RPS6KC1: variants seen among roughly 807,000 people sequenced by gnomAD.
RPS6KC1 encodes inactive ribosomal protein S6 kinase delta-1.
RPS6KC1 carries 54 observed loss-of-function variants against 103.8 expected under a neutral mutation model. The ratio of observed to expected loss-of-function variants is 0.52; its 90% confidence interval spans 0.42 to 0.65. The LOEUF (loss-of-function observed/expected upper bound fraction) is 0.65, where lower values mean the gene tolerates loss of function less well. RPS6KC1 is among the 30% of genes least tolerant of loss of function. The pLI is 0.00. For missense variants in RPS6KC1, 1,151 were observed against 1,253.8 expected, an observed-to-expected ratio of 0.92 and a Z score of 1.24; for synonymous variants, 439 against 438.7, an observed-to-expected ratio of 1.00 and a Z score of -0.01.
chr1:213,213,160 T>G (rs192394298), intron 8 of RPS6KC1, among the ~76,000 whole-genome samples: 155 of 152,356 alleles, frequency 1.0e-3, no homozygotes, highest in African/African-American at 2.6e-3. Flanking sequence ...CAGAGTTATC[T>G]AGGTTTTCTC....
At chr1:213,856,880 C>T in the RPS6KC1 span, among the ~76,000 whole-genome samples, 1 of 152,168 alleles carries the variant, frequency 6.6e-6, no homozygotes, top group African/African-American at 2.4e-5. Context: ...CACTTAAGTT[C>T]TCAAAGACTT....
Position 213,051,310 on chromosome 1 carries a change from G to T in RPS6KC1, c.-95G>T, listed in dbSNP as rs986269432. On this transcript the variant is annotated 5_prime_UTR_variant, in exon 1 of 15. Transcript: ENST00000366960. ...GCCTTGGAGCCACCGCCCCCTCGCC[G>T]CTTCGCCGCTGCGTTGGGGAACCTG... 3.3e-6 allele frequency: 3 copies of T among 898,372 alleles called. No homozygotes were observed. Among genetic ancestry groups the T allele is most frequent in the African/African-American group, 3.4e-5 (2 of 59,698 alleles). 55.7% of individuals were successfully genotyped at this position (898,372 alleles called of 1,614,324 possible). A position where few individuals can be genotyped will look rare whatever the true frequency, so the allele number is the denominator to read the frequency against.
At chr1:213,322,994 C>A in the RPS6KC1 span, among the ~76,000 whole-genome samples, 1 of 142,392 alleles carries the variant, frequency 7.0e-6, no homozygotes, top group African/African-American at 2.6e-5. Flanking sequence ...GAACCCCTAA[C>A]CTCAGGTGAT....
At position 213,051,560 on chromosome 1, in the gene RPS6KC1, C is replaced by T. The variant is rs368358311; in HGVS notation, c.105+51C>T. ...AGAGCTTGGATTGGGACCTGAGGAT[C>T]TGGGGTGGGGACCCTGATGTGAGGG... On this transcript the variant is annotated intron_variant, in intron 1 of 14. Coordinates refer to ENST00000366960, the MANE Select transcript of RPS6KC1 (RefSeq NM_012424.6). 1.2e-4 allele frequency: 162 copies of T among 1,343,220 alleles called. 1 individual carries two copies. The highest frequency in any genetic ancestry group is 5.2e-4 in the Admixed American group (28 of 54,026). 83.2% of individuals were successfully genotyped at this position (1,343,220 alleles called of 1,614,324 possible).
chr1:213,849,305 C>A, the RPS6KC1 span, among the ~76,000 whole-genome samples: 1 of 152,092 alleles, frequency 6.6e-6, no homozygotes, highest in East Asian at 1.9e-4. Flanking sequence ...AGGAGGTGAG[C>A]AACAGCAGCA....
At chr1:213,141,911 G>A (rs997249070) in intron 6 of RPS6KC1, among the ~76,000 whole-genome samples, 3 of 151,556 alleles carry the variant, frequency 2.0e-5, no homozygotes, top group African/African-American at 7.3e-5. Flanking sequence ...TTGAGTTTTG[G>A]TTGTGATTAT....
At chr1:213,728,430 T>A in the RPS6KC1 span, among the ~76,000 whole-genome samples, 1 of 152,164 alleles carries the variant, frequency 6.6e-6, no homozygotes, top group Admixed American at 6.5e-5. Flanking sequence ...CTCATGGTGA[T>A]AAAAATCGAA....
chr1:213,775,996 A>G, the RPS6KC1 span, among the ~76,000 whole-genome samples: 1 of 152,190 alleles, frequency 6.6e-6, no homozygotes, highest in Admixed American at 6.5e-5. Context: ...TCTTCCATTC[A>G]AGTATTATCA....
the RPS6KC1 span, among the ~76,000 whole-genome samples, chr1:213,861,457 A>G: frequency 2.0e-5 from 3 of 152,164 alleles, 1 homozygote; most frequent in Non-Finnish European, 4.4e-5. Flanking sequence ...GGAGATAAAA[A>G]TGTTGCAGGG....
chr1:213,746,803 G>A, the RPS6KC1 span, among the ~76,000 whole-genome samples: 5 of 152,072 alleles, frequency 3.3e-5, no homozygotes, highest in Non-Finnish European at 7.4e-5. Context: ...GTGATGGGTT[G>A]GTAGTAGGCA....
the RPS6KC1 span, among the ~76,000 whole-genome samples, chr1:213,808,721 C>G: frequency 6.6e-6 from 1 of 152,244 alleles, no homozygotes; most frequent in Non-Finnish European, 1.5e-5. Flanking sequence ...TCCCTGACCC[C>G]TTGTGCTTCC....
chr1:213,694,623 T>A, the RPS6KC1 span, among the ~76,000 whole-genome samples: 1 of 152,144 alleles, frequency 6.6e-6, no homozygotes, highest in Non-Finnish European at 1.5e-5. Context: ...AACTGTAGGG[T>A]CTGTTTCTTG....
chr1:213,506,763 G>C, the RPS6KC1 span, among the ~76,000 whole-genome samples: 1 of 152,174 alleles, frequency 6.6e-6, no homozygotes. Flanking sequence ...TAGTTATGTG[G>C]TTTTGATGCT....
At chr1:213,666,623 T>G in the RPS6KC1 span, among the ~76,000 whole-genome samples, 1 of 152,252 alleles carries the variant, frequency 6.6e-6, no homozygotes, top group Admixed American at 6.5e-5. Flanking sequence ...CAAGTTACAA[T>G]GTACTTGGAG....
chr1:213,290,530 C>CATTGATT, the RPS6KC1 span, among the ~76,000 whole-genome samples: 2 of 152,126 alleles, frequency 1.3e-5, no homozygotes, highest in South Asian at 4.1e-4. Context: ...CTGCTTCTGA[C>CATTGATT]TCCAGCCCTT....
the RPS6KC1 span, among the ~76,000 whole-genome samples, chr1:213,830,220 C>T: frequency 3.3e-5 from 5 of 152,042 alleles, no homozygotes; most frequent in Non-Finnish European, 7.4e-5. Context: ...TTAGCAGAAA[C>T]GAAGAACTTG....
At chr1:213,481,429 G>A in the RPS6KC1 span, among the ~76,000 whole-genome samples, 1 of 152,198 alleles carries the variant, frequency 6.6e-6, no homozygotes, top group South Asian at 2.1e-4. Flanking sequence ...TTTAAAGGAG[G>A]TGGACCATGA....
intron 3 of RPS6KC1, among the ~76,000 whole-genome samples, chr1:213,092,686 AG>A (rs1391965897): frequency 4.7e-5 from 7 of 149,728 alleles, no homozygotes; most frequent in Admixed American, 2.0e-4. Flanking sequence ...AAAAAAAAAA[AG>A]AAATACACTT....
At chr1:213,153,066 C>T (rs551449124) in intron 6 of RPS6KC1, among the ~76,000 whole-genome samples, 37 of 152,342 alleles carry the variant, frequency 2.4e-4, no homozygotes, top group African/African-American at 6.3e-4. Context: ...AGCGAAACCC[C>T]GTCTCCACCA....
Sources: gnomAD v4.1 joint callset for allele counts (sites outside exome capture counted in the v4.1 genomes callset) on GRCh38, gnomAD v4.1.1 for gene constraint, MANE v1.5 for transcripts, NCBI Gene and HGNC (gene_info 2026-07-23, HGNC 2026-07-21) for gene names.